Variants in RPS6KA2 observed in about 807,000 individuals in gnomAD.
RPS6KA2 encodes the protein ribosomal protein S6 kinase A2, also known as ribosomal protein S6 kinase alpha-2.
RPS6KA2 carries 42 observed loss-of-function variants against 91.8 expected under a neutral mutation model. The observed-to-expected ratio is 0.46, with a 90% confidence interval of 0.36 to 0.59. RPS6KA2 has a LOEUF of 0.59. Among genes scored for constraint, RPS6KA2 ranks in the 20% least tolerant of loss-of-function variants. RPS6KA2 has a pLI of 0.00. For missense variants in RPS6KA2, 798 were observed against 978.5 expected (o/e 0.82, Z 2.46); for synonymous variants, 414 against 393.6 (o/e 1.05, Z -0.61).
intron 13 of RPS6KA2, among the ~76,000 whole-genome samples, chr6:166,450,651 T>C (rs1338579493): frequency 2.6e-5 from 3 of 117,070 alleles, no homozygotes; most frequent in African/African-American, 6.7e-5. Flanking sequence ...GGGACCACCC[T>C]GGGAGACCAC....
At chr6:166,777,873 C>G (rs1442376242) in intron 2 of RPS6KA2, among the ~76,000 whole-genome samples, 1 of 151,872 alleles carries the variant, frequency 6.6e-6, no homozygotes, top group Non-Finnish European at 1.5e-5. Flanking sequence ...ACCTTATAAG[C>G]TATAAAAGAG....
intron 2 of RPS6KA2, among the ~76,000 whole-genome samples, chr6:166,831,430 T>C (rs1021992616): frequency 2.0e-5 from 3 of 152,072 alleles, no homozygotes; most frequent in Admixed American, 6.5e-5. Flanking sequence ...TGTGTATTTC[T>C]ACACCAGCAT....
At chr6:166,621,284 C>A (rs1786619434) in intron 1 of RPS6KA2, among the ~76,000 whole-genome samples, 1 of 152,226 alleles carries the variant, frequency 6.6e-6, no homozygotes, top group African/African-American at 2.4e-5. Flanking sequence ...TATGGTTACG[C>A]ACATTTGTCC....
At chr6:166,420,834 G>A (rs1039296995) in intron 17 of RPS6KA2, among the ~76,000 whole-genome samples, 7 of 152,154 alleles carry the variant, frequency 4.6e-5, no homozygotes, top group African/African-American at 1.7e-4. Context: ...ATGCATCCTA[G>A]GATTACATAC....
intron 1 of RPS6KA2, among the ~76,000 whole-genome samples, chr6:166,590,329 G>A (rs1785314990): frequency 6.6e-6 from 1 of 152,184 alleles, no homozygotes; most frequent in Non-Finnish European, 1.5e-5. Flanking sequence ...AGTCATTAGG[G>A]TCTGGCAGAT....
At chr6:166,689,571 G>A (rs11751830) in intron 2 of RPS6KA2, among the ~76,000 whole-genome samples, 2,071 of 152,284 alleles carry the variant, frequency 0.014, 30 homozygotes, top group Non-Finnish European at 0.021. Flanking sequence ...CACTGGATTC[G>A]TAGGTGTTGG....
intron 3 of RPS6KA2, among the ~76,000 whole-genome samples, chr6:166,520,158 T>C (rs1398264219): frequency 2.6e-5 from 4 of 152,222 alleles, no homozygotes; most frequent in South Asian, 2.1e-4. Flanking sequence ...ACTTAAACCA[T>C]TGCACTCCTC....
chr6:166,712,630 T>A (rs1039626762), intron 2 of RPS6KA2, among the ~76,000 whole-genome samples: 6 of 152,122 alleles, frequency 3.9e-5, no homozygotes, highest in Middle Eastern at 3.4e-3. Flanking sequence ...CCTGCAGAAG[T>A]AGTGTGAGCC....
intron 11 of RPS6KA2, 51 bp downstream of exon 11, chr6:166,469,790 C>T: frequency 2.0e-6 from 3 of 1,509,532 alleles, no homozygotes; most frequent in African/African-American, 2.7e-5. Context: ...GTTCCCTCCA[C>T]CCACTTCTGT....
chr6:166,564,556 T>G (rs1036118361), intron 1 of RPS6KA2, among the ~76,000 whole-genome samples: 2 of 152,210 alleles, frequency 1.3e-5, no homozygotes, highest in Non-Finnish European at 2.9e-5. Context: ...CAAATGACAA[T>G]GACAGTTGAC....
intron 2 of RPS6KA2, among the ~76,000 whole-genome samples, chr6:166,800,830 C>A (rs779952467): frequency 6.6e-6 from 1 of 152,200 alleles, no homozygotes; most frequent in African/African-American, 2.4e-5. Flanking sequence ...GATTTCATGG[C>A]AGGCACTGGA....
intron 2 of RPS6KA2, among the ~76,000 whole-genome samples, chr6:166,853,197 G>A (rs549555657): frequency 6.6e-6 from 1 of 152,330 alleles, no homozygotes; most frequent in African/African-American, 2.4e-5. Flanking sequence ...ACAGCACTTT[G>A]GGAGGCCAAG....
Position 166,563,265 on chromosome 6 carries a change from G to A in RPS6KA2, c.100-24481C>T, listed in dbSNP as rs1784395537. On this transcript the variant is annotated intron_variant, in intron 1 of 20. Coordinates refer to ENST00000265678, the MANE Select transcript of RPS6KA2 (RefSeq NM_021135.6). The surrounding 1 kb of genome is among the most constrained non-coding windows in gnomAD (Gnocchi z 4.1). ...GGAGAAGGCATCCTCCGGTGGGATG[G>A]GGTGGAGCTGGGAGAGGCCCCAGCG... Among the ~76,000 whole-genome samples, 1 of 152,198 alleles carries A rather than the reference G, an allele frequency of 6.6e-6. No homozygotes were observed.
At chr6:166,430,006 G>A (rs943321830) in intron 16 of RPS6KA2, among the ~76,000 whole-genome samples, 1 of 150,372 alleles carries the variant, frequency 6.7e-6, no homozygotes, top group Non-Finnish European at 1.5e-5. Flanking sequence ...CACGCAGGCT[G>A]GAGTGCAATG....
chr6:166,753,972 G>C (rs1441462763), intron 2 of RPS6KA2, among the ~76,000 whole-genome samples: 1 of 152,136 alleles, frequency 6.6e-6, no homozygotes, highest in African/African-American at 2.4e-5. Flanking sequence ...GGCCATGCTT[G>C]AACTTGATCT....
At chr6:166,414,015 C>T in intron 19 of RPS6KA2, 84 bp from the exon 20 acceptor site, 1 of 1,312,882 alleles carries the variant, frequency 7.6e-7, no homozygotes. Flanking sequence ...AACTCCTCTC[C>T]CTCTATGGCA....
chr6:166,650,216 C>T (rs1036818892), intron 2 of RPS6KA2, among the ~76,000 whole-genome samples: 2 of 151,642 alleles, frequency 1.3e-5, no homozygotes, highest in Admixed American at 6.6e-5. Flanking sequence ...CTCTCTACTG[C>T]GGAGGGAATG....
intron 1 of RPS6KA2, among the ~76,000 whole-genome samples, chr6:166,625,249 A>T (rs751251903): frequency 7.9e-5 from 12 of 151,632 alleles, no homozygotes; most frequent in Admixed American, 1.3e-4. Context: ...GACCTCCTAC[A>T]TCGCTGATGG....
In RPS6KA2 at chr6:166,743,537, G is replaced by C. The variant is rs138044259; in HGVS notation, c.123+114663C>G. On this transcript the variant is annotated intron_variant, in intron 2 of 21. Coordinates refer to the RPS6KA2 transcript ENST00000503859. ...CATCAGCAGAAAGTGCTGGTCCTTG[G>C]TTGCTATAACAACAGTGCCACCTAA... Among the ~76,000 whole-genome samples the C allele has an allele frequency of 2.0e-3, 304 of 152,306 alleles. 1 individual carries two copies. Among genetic ancestry groups the C allele is most frequent in the African/African-American group, 7.1e-3 (295 of 41,562 alleles).
Sources: gnomAD v4.1 joint callset for allele counts (sites outside exome capture counted in the v4.1 genomes callset) on GRCh38, gnomAD v4.1.1 for gene constraint, Gnocchi (gnomAD v3.1) non-coding constraint, MANE v1.5 for transcripts, NCBI Gene and HGNC (gene_info 2026-07-23, HGNC 2026-07-21) for gene names.